The following PRKCA variants were observed in gnomAD, a reference collection of about 807,000 sequenced individuals.
The protein encoded by PRKCA is protein kinase C alpha type.
Under a neutral mutation model 87.0 loss-of-function variants are expected in PRKCA, and 27 were observed. The ratio of observed to expected loss-of-function variants is 0.31; its 90% CI spans 0.23 to 0.43. The LOEUF (loss-of-function observed/expected upper bound fraction) is 0.43. PRKCA is among the 20% of genes least tolerant of loss of function. The probability of loss-of-function intolerance (pLI) is 1.00; values close to 1 mark genes in which losing one functional copy is unlikely to be tolerated. For missense variants in PRKCA, 518 were observed against 852.3 expected (o/e 0.61, Z 4.88); for synonymous variants, 329 against 311.1 (o/e 1.06, Z -0.61).
intron 5 of PRKCA, among the ~76,000 whole-genome samples, chr17:66,657,231 A>G (rs1021641401): frequency 7.2e-5 from 11 of 152,198 alleles, no homozygotes; most frequent in Non-Finnish European, 1.6e-4. Flanking sequence ...CTTTACATGC[A>G]TTTTCCTTTT....
chr17:66,664,175 G>T (rs992034331), intron 5 of PRKCA, among the ~76,000 whole-genome samples: 3 of 152,132 alleles, frequency 2.0e-5, no homozygotes, highest in African/African-American at 7.2e-5. Context: ...ACCGTCTTTG[G>T]AGTGTTTTGA....
At chr17:66,555,842 A>G (rs897841557) in intron 3 of PRKCA, among the ~76,000 whole-genome samples, 5 of 152,138 alleles carry the variant, frequency 3.3e-5, no homozygotes, top group East Asian at 1.9e-4. Flanking sequence ...TCCAGTTGCT[A>G]TTTAAGATGT....
chr17:66,435,468 G>A (rs1261356524), intron 2 of PRKCA, among the ~76,000 whole-genome samples: 3 of 152,098 alleles, frequency 2.0e-5, no homozygotes, highest in Admixed American at 6.6e-5. Context: ...TGGCAATCGC[G>A]AGACGCACTC....
chr17:66,757,571 GAAAA>G (rs35540620), intron 13 of PRKCA, among the ~76,000 whole-genome samples: 34 of 117,018 alleles, frequency 2.9e-4, no homozygotes, highest in East Asian at 1.8e-3. Flanking sequence ...GCTTTGGGAG[GAAAA>G]AAAAAAAAAA....
chr17:66,605,521 G>C (rs923251127), intron 3 of PRKCA, among the ~76,000 whole-genome samples: 3 of 152,196 alleles, frequency 2.0e-5, no homozygotes, highest in African/African-American at 7.2e-5. Flanking sequence ...CATTGGTACA[G>C]CTCCTTTGGA....
chr17:66,699,319 A>G lies in PRKCA; in HGVS notation c.918+10272A>G, dbSNP rs117380630. The stretch of plus-strand genomic sequence containing the variant: ...GACTAAGAAAAAAGAGAGAAGACCA[A>G]TGAATAAAATCAGAAATGAAGGAGA... On this transcript the variant is annotated intron_variant, in intron 8 of 16. Coordinates refer to ENST00000413366, the MANE Select transcript of PRKCA (RefSeq NM_002737.3). Among the ~76,000 whole-genome samples the G allele has an allele frequency of 6.0e-3, 914 of 152,276 alleles. 5 individuals carry two copies. Among genetic ancestry groups the G allele is most frequent in the Non-Finnish European group, 0.01 (702 of 68,014 alleles).
At chr17:66,647,117 G>GGGCCATAAGCTA (rs1555630687) in intron 5 of PRKCA, among the ~76,000 whole-genome samples, 1 of 151,700 alleles carries the variant, frequency 6.6e-6, no homozygotes, top group African/African-American at 2.4e-5. Flanking sequence ...TGTTCCTCGG[G>GGGCCATAAGCTA]GGCCATGAGA....
At chr17:66,397,360 C>A (rs1455947129) in intron 2 of PRKCA, among the ~76,000 whole-genome samples, 5 of 148,658 alleles carry the variant, frequency 3.4e-5, no homozygotes, top group African/African-American at 9.9e-5. Context: ...ACATTTTCAC[C>A]CCTGGGGTGT....
intron 5 of PRKCA, 119 bp from the exon 6 acceptor site, chr17:66,686,992 A>G (rs1972645790): frequency 2.2e-6 from 2 of 908,044 alleles, no homozygotes; most frequent in Non-Finnish European, 3.3e-6. Flanking sequence ...GGCTTCCACC[A>G]TCTGTCTCCT....
chr17:66,362,673 GT>G (rs34171506), intron 2 of PRKCA, among the ~76,000 whole-genome samples: 91,533 of 143,662 alleles, frequency 0.64, 29,133 homozygotes, highest in Non-Finnish European at 0.7. Context: ...TGCCTTGCAG[GT>G]TTTTTTTTTT....
At chr17:66,627,893 A>G (rs1440636424) in intron 3 of PRKCA, among the ~76,000 whole-genome samples, 1 of 152,182 alleles carries the variant, frequency 6.6e-6, no homozygotes, top group African/African-American at 2.4e-5. Context: ...GATCAAGTGC[A>G]TCTTTGAGGA....
intron 3 of PRKCA, among the ~76,000 whole-genome samples, chr17:66,505,540 C>T (rs993254239): frequency 3.9e-5 from 6 of 152,252 alleles, no homozygotes; most frequent in East Asian, 3.9e-4. Flanking sequence ...ATGGCCTGGA[C>T]GGGCAGTAGT....
chr17:66,696,189 C>T (rs897116297), intron 8 of PRKCA, among the ~76,000 whole-genome samples: 1 of 152,176 alleles, frequency 6.6e-6, no homozygotes, highest in Admixed American at 6.5e-5. Context: ...AGTGGTATTG[C>T]ATAGTGGTTA....
chr17:66,466,420 A>G (rs1272779152), intron 2 of PRKCA, among the ~76,000 whole-genome samples: 2 of 152,180 alleles, frequency 1.3e-5, no homozygotes, highest in African/African-American at 4.8e-5. Context: ...GGCCTTGGGA[A>G]GCCCTTTCTG....
In PRKCA at chr17:66,452,087, T is replaced by G. The variant is rs376008763; in HGVS notation, c.206-44114T>G. Among the ~76,000 whole-genome samples, 10 of 152,310 alleles carry G rather than the reference T, an allele frequency of 6.6e-5. No individual in the cohort carries two copies. The East Asian group carries it at 9.7e-4, about 15-fold the overall frequency. Reference sequence around the variant, plus strand: ...TATGAAGCCGTGTATGGCCCCTCCATGCAGCAGGGTGCGTCCAAGCTGACC... The same window carrying G: ...TATGAAGCCGTGTATGGCCCCTCCAGGCAGCAGGGTGCGTCCAAGCTGACC... On this transcript the variant is annotated intron_variant, in intron 2 of 16. Coordinates refer to ENST00000413366, the MANE Select transcript of PRKCA (RefSeq NM_002737.3).
chr17:66,349,623 C>T (rs1273018434), intron 2 of PRKCA, among the ~76,000 whole-genome samples: 1 of 152,116 alleles, frequency 6.6e-6, no homozygotes, highest in Admixed American at 6.5e-5. Context: ...TAGACTCTGG[C>T]AGGACAGAGA....
intron 2 of PRKCA, among the ~76,000 whole-genome samples, chr17:66,449,476 T>C (rs1914203311): frequency 6.6e-6 from 1 of 152,180 alleles, no homozygotes; most frequent in South Asian, 2.1e-4. Context: ...TTATATTCTT[T>C]CAATTGAACC....
intron 3 of PRKCA, among the ~76,000 whole-genome samples, chr17:66,523,671 C>T (rs1404890750): frequency 6.6e-6 from 1 of 152,058 alleles, no homozygotes; most frequent in Non-Finnish European, 1.5e-5. Flanking sequence ...TGAGAAAAAG[C>T]GAATGCACCT....
chr17:66,353,042 A>G (rs1226577601), intron 2 of PRKCA, among the ~76,000 whole-genome samples: 1 of 152,140 alleles, frequency 6.6e-6, no homozygotes, highest in Non-Finnish European at 1.5e-5. Flanking sequence ...GTTATTGCTA[A>G]TTGTCAACCA....
Sources: allele counts gnomAD v4.1 joint callset (sites outside exome capture counted in the v4.1 genomes callset), GRCh38; gene constraint gnomAD v4.1.1; transcripts MANE v1.5; gene names NCBI Gene and HGNC (gene_info 2026-07-23, HGNC 2026-07-21).